Variants in KDM3A observed in about 807,000 individuals in gnomAD.
KDM3A encodes the protein lysine demethylase 3A.
In KDM3A, 60 loss-of-function variants were observed where a neutral mutation model predicts 158.0. That is an observed-to-expected ratio of 0.38 (90% CI 0.31 to 0.47). The LOEUF is 0.47. Among genes scored for constraint, KDM3A ranks in the 20% least tolerant of loss-of-function variants. KDM3A has a pLI of 0.99. For missense variants in KDM3A, 1,319 were observed against 1,574.3 expected, an observed-to-expected ratio of 0.84 and a Z score of 2.74; for synonymous variants, 608 against 549.3, an observed-to-expected ratio of 1.11 and a Z score of -1.49.
chr2:86,451,995 A>T (rs1484803280), intron 4 of KDM3A, among the ~76,000 whole-genome samples: 2 of 152,188 alleles, frequency 1.3e-5, no homozygotes, highest in African/African-American at 4.8e-5. Flanking sequence ...TATTTGCTAA[A>T]ATATATTTGT....
chr2:86,475,038 T>C (rs1273101400), intron 12 of KDM3A, 48 bp downstream of exon 12: 1 of 1,498,724 alleles, frequency 6.7e-7, no homozygotes, highest in Non-Finnish European at 9.2e-7. Context: ...AATTTGATTT[T>C]TGTTCCTAAG....
intron 20 of KDM3A, 75 bp from the exon 21 acceptor site, chr2:86,485,654 G>A: frequency 1.9e-6 from 3 of 1,557,168 alleles, no homozygotes; most frequent in Non-Finnish European, 2.6e-6. Flanking sequence ...TGGTGTAGAA[G>A]GAACAAAACA....
chr2:86,490,891 A>C lies in KDM3A; in HGVS notation c.3584A>C (p.Glu1195Ala). 1 of 1,611,004 alleles carries C rather than the reference A, an allele frequency of 6.2e-7. No individual in the cohort carries two copies. Among genetic ancestry groups the C allele is most frequent in the Non-Finnish European group, 8.5e-7 (1 of 1,178,816 alleles). Residue 1195 changes from glutamate (E) to alanine (A), a missense_variant, in exon 24 of 26, where the codon GAG (glutamate) becomes GCG (alanine). Coordinates refer to ENST00000312912, the MANE Select transcript of KDM3A (RefSeq NM_018433.6). The part of the protein sequence containing the change: ...IREFLKKVSE[E>A]QGQENPADHD... ...TTGAATGTATTCTAGGTATCAGAAG[A>C]GCAAGGTCAAGAAAACCCAGCAGAC... is the stretch of plus-strand genomic sequence containing the variant.
In KDM3A at chr2:86,482,651, A is replaced by G. The variant is rs1200671397; in HGVS notation, c.2879A>G (p.Lys960Arg). ...RLLCLQDPNN[K>R]SNWNVFRECW... The stretch of plus-strand genomic sequence containing the variant: ...CTGTGCTTGCAAGACCCCAACAATA[A>G]GAGCAACTGGAATGTGTTTAGGGAG... Residue 960 changes from lysine to arginine, a missense_variant, in exon 18 of 26, where the codon AAG (lysine) becomes AGG (arginine). Lys to Arg is a conservative substitution (Grantham distance 26). This residue lies in a region of KDM3A where 368 missense variants were observed against 415.8 expected (regional missense o/e 0.89). Transcript: ENST00000312912. 1 of 1,614,148 alleles carries G rather than the reference A, an allele frequency of 6.2e-7. No individual in the cohort carries two copies. The highest frequency in any genetic ancestry group is 8.5e-7 in the Non-Finnish European group (1 of 1,180,014).
chr2:86,482,957 T>G, intron 18 of KDM3A: 1 of 448,728 alleles, frequency 2.2e-6, no homozygotes, highest in Non-Finnish European at 4.0e-6. Flanking sequence ...GCATCCAGGC[T>G]TGGTGATTCC....
At chr2:86,464,313 TTC>T (rs1673045983) in intron 9 of KDM3A, 97 bp downstream of exon 9, 1 of 868,690 alleles carries the variant, frequency 1.2e-6, no homozygotes, top group Non-Finnish European at 1.7e-6. Flanking sequence ...AGGGAGGTTT[TTC>T]GTTAGAGTTT....
At chr2:86,459,317 A>G (rs1672831244) in intron 8 of KDM3A, among the ~76,000 whole-genome samples, 1 of 152,200 alleles carries the variant, frequency 6.6e-6, no homozygotes, top group African/African-American at 2.4e-5. Flanking sequence ...TTAGAAGCTG[A>G]GAGATAAACA....
intron 12 of KDM3A, among the ~76,000 whole-genome samples, chr2:86,475,997 C>G (rs754551955): frequency 2.2e-4 from 33 of 152,170 alleles, no homozygotes; most frequent in Non-Finnish European, 4.4e-4. Flanking sequence ...AAGGGAATTG[C>G]GAGTGCCTGG....
intron 15 of KDM3A, chr2:86,479,783 C>T (rs1456562275): frequency 6.1e-6 from 1 of 162,722 alleles, no homozygotes; most frequent in East Asian, 1.8e-4. Context: ...ACCTTTCCTG[C>T]CTGCGTCATT....
At position 86,485,763 on chromosome 2, in the gene KDM3A, G is replaced by A. The variant is rs776659867; in HGVS notation, c.3217G>A (p.Glu1073Lys). 4.3e-6 allele frequency: 7 copies of A among 1,613,956 alleles called. No individual in the cohort carries two copies. The highest frequency in any genetic ancestry group is 2.7e-5 in the African/African-American group (2 of 74,902). Residue 1073 changes from glutamate (E) to lysine (K), a missense_variant, in exon 21 of 26, where the codon GAG (glutamate) becomes AAG (lysine). Coordinates refer to ENST00000312912, the MANE Select transcript of KDM3A (RefSeq NM_018433.6). ...DDLMANIPLP[E>K]YTRRDGKLNL... Reference sequence around the variant, plus strand: ...TCTGATGGCCAACATTCCACTGCCCGAGTACACAAGGCGAGATGGCAAACT... The same window carrying A: ...TCTGATGGCCAACATTCCACTGCCCAAGTACACAAGGCGAGATGGCAAACT...
intron 11 of KDM3A, 43 bp from the exon 12 acceptor site, chr2:86,474,733 G>GTGTGTGTA: frequency 1.1e-6 from 1 of 885,690 alleles, no homozygotes. Context: ...GTGTGTGTGT[G>GTGTGTGTA]TGTGTGTGTA....
chr2:86,455,989 A>AT (rs1250135793), intron 5 of KDM3A, among the ~76,000 whole-genome samples: 2 of 150,894 alleles, frequency 1.3e-5, no homozygotes, highest in Non-Finnish European at 3.0e-5. Flanking sequence ...GAAAAAAGAT[A>AT]TTTTTAAAGC....
chr2:86,445,894 T>C (rs995224091), intron 2 of KDM3A, among the ~76,000 whole-genome samples: 6 of 152,226 alleles, frequency 3.9e-5, no homozygotes, highest in African/African-American at 1.4e-4. Flanking sequence ...TTAAGTGGTA[T>C]CCTGCATTGT....
intron 4 of KDM3A, among the ~76,000 whole-genome samples, chr2:86,454,615 TAAAA>T (rs1006514765): frequency 1.3e-5 from 2 of 148,540 alleles, no homozygotes; most frequent in African/African-American, 2.5e-5. Flanking sequence ...TTATATAAAA[TAAAA>T]AAAAAACCCA....
rs1422908724 is a variant in KDM3A, at chr2:86,466,491, G to A, written c.1127G>A (p.Gly376Glu). The change falls in exon 10 of 26, where the codon GGA (glycine) becomes GAA (glutamate). Residue 376 changes from glycine (G) to glutamate (E), a missense_variant. Coordinates refer to ENST00000312912, the MANE Select transcript of KDM3A (RefSeq NM_018433.6). ...AGLLSKSSQI[G>E]TGDLKILTEP... ...TTGCTCTCAAAGTCCTCTCAGATTG[G>A]AACTGGAGACTTGAAAATTCTGACT... is the stretch of plus-strand genomic sequence containing the variant. The A allele has an allele frequency of 6.2e-7, 1 of 1,613,906 alleles. No individual in the cohort carries two copies. Among genetic ancestry groups the A allele is most frequent in the East Asian group, 2.2e-5 (1 of 44,878 alleles).
rs1300909186 is a variant in KDM3A, at chr2:86,491,146, T to C, written c.3756T>C (p.His1252=). The C allele has an allele frequency of 1.2e-6, 2 of 1,614,024 alleles. No individual in the cohort carries two copies. Among genetic ancestry groups the C allele is most frequent in the South Asian group, 1.1e-5 (1 of 91,074 alleles). Reference sequence around the variant, plus strand: ...TATTACTTGGTGTTTTTCAGGTTCATAACTTATATAGCTGCATCAAAGTGG... The same window carrying C: ...TATTACTTGGTGTTTTTCAGGTTCACAACTTATATAGCTGCATCAAAGTGG... ...FIPAGAPHQV[H]NLYSCIKVAE... Residue 1252 remains histidine (H), a synonymous_variant, in exon 25 of 26, where the codon CAT becomes CAC. Coordinates refer to ENST00000312912, the MANE Select transcript of KDM3A (RefSeq NM_018433.6).
intron 8 of KDM3A, 66 bp downstream of exon 8, chr2:86,457,137 AT>A: frequency 1.8e-6 from 1 of 556,560 alleles, no homozygotes; most frequent in Non-Finnish European, 2.9e-6. Flanking sequence ...GCTAGTTTTT[AT>A]TTTTTATTAT....
chr2:86,440,249 C>T (rs896667745), upstream of KDM3A, among the ~76,000 whole-genome samples: 1 of 152,148 alleles, frequency 6.6e-6, no homozygotes. Flanking sequence ...AATCAACATC[C>T]AGAGTTGATT....
chr2:86,462,115 A>G (rs1224414539), intron 8 of KDM3A, among the ~76,000 whole-genome samples: 2 of 152,210 alleles, frequency 1.3e-5, no homozygotes, highest in Non-Finnish European at 2.9e-5. Context: ...GTGACATGAA[A>G]AGAAATGGGT....
Sources: gnomAD v4.1 joint callset for allele counts (sites outside exome capture counted in the v4.1 genomes callset) on GRCh38, gnomAD v4.1.1 for gene constraint, gnomAD v4.1.1 regional missense constraint, MANE v1.5 for transcripts, NCBI Gene and HGNC (gene_info 2026-07-23, HGNC 2026-07-21) for gene names.